The following BFSP1 variants were observed in gnomAD, a reference collection of about 807,000 sequenced individuals.
The protein encoded by BFSP1 is beaded filament structural protein 1.
Under a neutral mutation model 43.9 loss-of-function variants are expected in BFSP1, and 38 were observed. The ratio of observed to expected loss-of-function variants is 0.87; its 90% CI spans 0.67 to 1.14. The LOEUF is 1.14. Ranked by LOEUF, BFSP1 falls within the 50% of genes most tolerant of loss-of-function variation. The pLI is 0.00. For missense variants in BFSP1, 850 were observed against 875.1 expected (o/e 0.97, Z 0.36); for synonymous variants, 352 against 354.8 (o/e 0.99, Z 0.09).
intron 1 of BFSP1, among the ~76,000 whole-genome samples, chr20:17,557,514 C>A (rs1433412668): frequency 6.6e-6 from 1 of 152,168 alleles, no homozygotes; most frequent in Non-Finnish European, 1.5e-5. Flanking sequence ...GCCCTCCTGG[C>A]TCAAGGGAAG....
At chr20:17,520,210 G>GCACCCCCCCCCCCCCCCCCCCCCCCCC (rs201615265) in intron 2 of BFSP1, among the ~76,000 whole-genome samples, 1 of 133,356 alleles carries the variant, frequency 7.5e-6, no homozygotes, top group African/African-American at 3.0e-5. Context: ...GTTTTAACGT[G>GCACCCCCCCCCCCCCCCCCCCCCCCCC]CCCCCCCACC....
intron 6 of BFSP1, among the ~76,000 whole-genome samples, chr20:17,497,461 C>CACACACAG (rs1568679114): frequency 6.9e-6 from 1 of 145,918 alleles, no homozygotes; most frequent in Non-Finnish European, 1.5e-5. Context: ...TATATATATA[C>CACACACAG]ACACACACAC....
upstream of BFSP1, among the ~76,000 whole-genome samples, chr20:17,534,977 C>T (rs188094448): frequency 1.6e-3 from 236 of 151,850 alleles, 1 homozygote; most frequent in Middle Eastern, 6.8e-3. Flanking sequence ...GCCAATATCA[C>T]GCCACTGCAC....
Position 17,493,951 on chromosome 20 carries a change from G to T in BFSP1, c.*123C>A. 1.1e-6 allele frequency: 1 copy of T among 926,912 alleles called. No homozygotes were observed. 57.4% of individuals were successfully genotyped at this position (926,912 alleles called of 1,614,324 possible). Reference sequence around the variant, plus strand: ...AATGAAGGCTTCGTTGGCAATGCCAGATGGGTCAACTATGGTCTAATCCAA... The same window carrying T: ...AATGAAGGCTTCGTTGGCAATGCCATATGGGTCAACTATGGTCTAATCCAA... On this transcript the variant is annotated 3_prime_UTR_variant, in exon 8 of 8. Coordinates refer to ENST00000377873, the MANE Select transcript of BFSP1 (RefSeq NM_001195.5).
chr20:17,564,597 CT>C (rs371946813), intron 1 of BFSP1, among the ~76,000 whole-genome samples: 1 of 150,800 alleles, frequency 6.6e-6, no homozygotes, highest in Non-Finnish European at 1.5e-5. Flanking sequence ...TCTTCTTCTT[CT>C]TTTTTTTTGA....
At chr20:17,531,581 T>C (rs1275733778), upstream of BFSP1, among the ~76,000 whole-genome samples, 3 of 152,224 alleles carry the variant, frequency 2.0e-5, no homozygotes, top group South Asian at 6.2e-4. Context: ...AATGAGGTTT[T>C]TGTTCCGTGA....
intron 1 of BFSP1, among the ~76,000 whole-genome samples, chr20:17,550,471 T>TTC (rs1482159447): frequency 1.3e-5 from 2 of 151,180 alleles, no homozygotes; most frequent in African/African-American, 4.9e-5. Context: ...CCTTTTTTTT[T>TTC]TTTTTTTTTT....
exon 1 of BFSP1, chr20:17,558,884 G>C: frequency 1.5e-6 from 1 of 660,572 alleles, no homozygotes; most frequent in South Asian, 2.6e-5. Flanking sequence ...TGGCTCAAGG[G>C]GTGGGAGGGA....
At chr20:17,501,327 G>C (rs1279832495) in intron 5 of BFSP1, among the ~76,000 whole-genome samples, 1 of 152,206 alleles carries the variant, frequency 6.6e-6, no homozygotes, top group African/African-American at 2.4e-5. Context: ...CACTTAAGGA[G>C]GCCAAGGCGG....
upstream of BFSP1, among the ~76,000 whole-genome samples, chr20:17,561,095 A>C (rs112174467): frequency 7.0e-4 from 107 of 152,286 alleles, no homozygotes; most frequent in African/African-American, 2.5e-3. Flanking sequence ...AACTCATTTC[A>C]TCTATCCTTA....
At chr20:17,537,400 A>G (rs1468141353) in intron 1 of BFSP1, among the ~76,000 whole-genome samples, 3 of 152,126 alleles carry the variant, frequency 2.0e-5, no homozygotes, top group Non-Finnish European at 4.4e-5. Context: ...GGGTCACAGC[A>G]GATGGAGAAA....
At chr20:17,510,665 C>T (rs1168141495) in intron 4 of BFSP1, among the ~76,000 whole-genome samples, 1 of 152,162 alleles carries the variant, frequency 6.6e-6, no homozygotes, top group African/African-American at 2.4e-5. Flanking sequence ...CGAAAAAGTT[C>T]AGGCAGCCGG....
Position 17,498,983 on chromosome 20 carries a change from G to A in BFSP1, c.793C>T (p.Gln265Ter), listed in dbSNP as rs748323635. 1 of 1,614,182 alleles carries A rather than the reference G, an allele frequency of 6.2e-7. No homozygotes were observed. The highest frequency in any genetic ancestry group is 8.5e-7 in the Non-Finnish European group (1 of 1,180,034). ...SAHECYDDEI[Q>*]LYNEQIETLR... The stretch of plus-strand genomic sequence containing the variant: ...GTCTCAATCTGCTCGTTATAAAGCT[G>A]AATCTCATCGTCATAACACTCATGG... Residue 265 changes from glutamine (Q) to a stop codon, truncating the protein, a stop_gained, in exon 6 of 8, where the codon CAG (glutamine) becomes TAG (stop). Coordinates refer to ENST00000377873, the MANE Select transcript of BFSP1 (RefSeq NM_001195.5). LOFTEE classifies it high-confidence loss of function.
chr20:17,548,108 T>C (rs2034835806), intron 1 of BFSP1, among the ~76,000 whole-genome samples: 1 of 140,356 alleles, frequency 7.1e-6, no homozygotes, highest in South Asian at 2.4e-4. Flanking sequence ...GCATAATCTA[T>C]CCAGAGAATG....
At chr20:17,506,025 TC>T (rs1351380027) in intron 5 of BFSP1, among the ~76,000 whole-genome samples, 1 of 152,174 alleles carries the variant, frequency 6.6e-6, no homozygotes, top group Non-Finnish European at 1.5e-5. Flanking sequence ...TTCAAGATTA[TC>T]CCCTAAAAAC....
intron 4 of BFSP1, among the ~76,000 whole-genome samples, chr20:17,511,713 G>A (rs1462012270): frequency 6.6e-6 from 1 of 151,476 alleles, no homozygotes; most frequent in Non-Finnish European, 1.5e-5. Context: ...AAGTATGCAA[G>A]GAAGAACAGC....
At chr20:17,496,328 C>A (rs192991391) in intron 7 of BFSP1, among the ~76,000 whole-genome samples, 1 of 152,320 alleles carries the variant, frequency 6.6e-6, no homozygotes, top group African/African-American at 2.4e-5. Context: ...CTTCTCTTTT[C>A]TCCCCAAATG....
chr20:17,497,516 A>ATACG (rs1486584180), intron 6 of BFSP1, among the ~76,000 whole-genome samples: 9 of 147,638 alleles, frequency 6.1e-5, no homozygotes, highest in Admixed American at 1.4e-4. Flanking sequence ...ATATACGTAT[A>ATACG]TATATACACA....
intron 1 of BFSP1, among the ~76,000 whole-genome samples, chr20:17,568,746 C>T (rs2180823): frequency 0.99 from 151,326 of 152,206 alleles, 75,231 homozygotes; most frequent in Middle Eastern, 1. Flanking sequence ...GAAATGGGTT[C>T]CTATGTTGAG....
Sources: gnomAD v4.1 joint callset for allele counts (sites outside exome capture counted in the v4.1 genomes callset) on GRCh38, gnomAD v4.1.1 for gene constraint, MANE v1.5 for transcripts, NCBI Gene and HGNC (gene_info 2026-07-23, HGNC 2026-07-21) for gene names.